CBX8: variants seen among roughly 807,000 people sequenced by gnomAD.
CBX8 encodes chromobox 8, also known as chromobox protein homolog 8.
A neutral mutation model predicts 39.7 loss-of-function variants in CBX8; 8 were observed. The observed-to-expected ratio is 0.20, with a 90% CI of 0.12 to 0.36. The LOEUF is 0.36. CBX8 is among the 10% of genes least tolerant of loss of function. The pLI, the probability that CBX8 is intolerant of heterozygous loss-of-function variation, is 1.00. For synonymous variants in CBX8, 268 were observed against 219.8 expected, an observed-to-expected ratio of 1.22 and a Z score of -1.94; for missense variants, 505 against 529.6, an observed-to-expected ratio of 0.95 and a Z score of 0.46.
rs775817124 is a variant in CBX8 at position 79,795,266 on chromosome 17, C to T, written c.539G>A (p.Arg180Gln). 9 of 1,609,460 alleles carry T rather than the reference C, an allele frequency of 5.6e-6. No individual in the cohort carries two copies. Among genetic ancestry groups the T allele is most frequent in the East Asian group, 4.5e-5 (2 of 44,708 alleles). Residue 180 changes from arginine (R) to glutamine (Q), a missense_variant, in exon 5 of 5, where the codon CGG (arginine) becomes CAG (glutamine). Around this residue, in one of 3 missense-constraint regions of CBX8, gnomAD observed 456 missense variants for 389.2 expected, o/e 1.17. Coordinates refer to ENST00000269385, the MANE Select transcript of CBX8 (RefSeq NM_020649.3). This position sits in a 1 kb window ranked among gnomAD's most constrained non-coding sequence, Gnocchi z 5.8. ...RERERERERE[R>Q]GTSRVDDKPS... ...CTTGTCATCCACTCTGCTGGTACCC[C>T]GCTCTCGTTCCCTCTCACGTTCCCG...
chr17:79,796,215 C>T (rs751774373), intron 3 of CBX8, 35 bp downstream of exon 3: 11 of 1,614,102 alleles, frequency 6.8e-6, no homozygotes, highest in Non-Finnish European at 9.3e-6. Context: ...CTACTTGTTT[C>T]TAAGTGAGCG....
In CBX8 at chr17:79,795,461, G is replaced by A. The variant is rs771180787; in HGVS notation, c.344C>T (p.Ala115Val). The A allele has an allele frequency of 1.4e-5, 22 of 1,605,904 alleles. No individual in the cohort carries two copies. Among genetic ancestry groups the A allele is most frequent in the Non-Finnish European group, 1.8e-5 (21 of 1,176,082 alleles). ...GCCCTCCCGGGCCCGGGAAGTGGAGGCCAGGTCCTGGGGCGAGCGGCCAGG... is the reference window on the plus strand; with the variant it reads ...GCCCTCCCGGGCCCGGGAAGTGGAGACCAGGTCCTGGGGCGAGCGGCCAGG... Reference protein sequence around the residue: ...PYPGRSPQDLASTSRAREGLR... With the variant: ...PYPGRSPQDLVSTSRAREGLR... The change falls in exon 5 of 5, where the codon GCC becomes GTC. Residue 115 changes from alanine to valine, a missense_variant. Ala to Val is a moderately conservative substitution (Grantham distance 64). Transcript: ENST00000269385. The surrounding 1 kb of genome is among the most constrained non-coding windows in gnomAD (Gnocchi z 5.8).
chr17:79,794,472 A>C lies in CBX8; in HGVS notation c.*163T>G, dbSNP rs1234875384. On this transcript the variant is annotated 3_prime_UTR_variant, in exon 5 of 5. Transcript: ENST00000269385. ...TCTAGAGATAATCTTTCCAACAAAA[A>C]CTGAGGGGGAGGAAGGAGGGATGAA... is the stretch of plus-strand genomic sequence containing the variant. 2 of 513,580 alleles carry C rather than the reference A, an allele frequency of 3.9e-6. No individual in the cohort carries two copies. The highest frequency in any genetic ancestry group is 7.0e-6 in the Non-Finnish European group (2 of 287,482). The allele number at this position is 513,580 out of a possible 1,614,324, so 31.8% of individuals were successfully genotyped here. A position where few individuals can be genotyped will look rare whatever the true frequency, so the allele number is the denominator to read the frequency against.
intron 3 of CBX8, 54 bp downstream of exon 3, chr17:79,796,196 G>T: frequency 6.2e-7 from 1 of 1,611,674 alleles, no homozygotes; most frequent in Non-Finnish European, 8.5e-7. Context: ...AGGCTGGAAA[G>T]AAGCCACTCT....
In CBX8 at chr17:79,794,506, G is replaced by A. The variant is rs576086118; in HGVS notation, c.*129C>T. The A allele has an allele frequency of 1.5e-5, 9 of 601,662 alleles. No homozygotes were observed. The South Asian group carries it at 1.7e-4, about 11-fold the overall frequency. The allele number at this position is 601,662 out of a possible 1,614,324, so 37.3% of individuals were successfully genotyped here. ...GAGGAAGGAGGGATGAAAGGGGCTG[G>A]TGGGGTGGGGGTGACATCAGGGACG... On this transcript the variant is annotated 3_prime_UTR_variant, in exon 5 of 5. Transcript: ENST00000269385.
chr17:79,794,772 C>G lies in CBX8; in HGVS notation c.1033G>C (p.Asp345His). 5.0e-6 allele frequency: 8 copies of G among 1,612,702 alleles called. No homozygotes were observed. Among genetic ancestry groups the G allele is most frequent in the Non-Finnish European group, 6.8e-6 (8 of 1,178,886 alleles). The change falls in exon 5 of 5, where the codon GAC becomes CAC. Residue 345 changes from aspartate to histidine, a missense_variant. Coordinates refer to ENST00000269385, the MANE Select transcript of CBX8 (RefSeq NM_020649.3). ...GGGCTCCAGGACTCTTCCTCCGGGT[C>G]CCCCAGGATTCTGGCCACAGGGATC... ...ARIPVARILG[D>H]PEEESWSPSL...
Position 79,795,383 on chromosome 17 carries a change from G to C in CBX8, c.422C>G (p.Thr141Ser). ...PPASSTSTSS[T>S]CRAEAPRDRD... ...GTCCCGAGGGGCCTCTGCGCGGCAGGTGCTGCTGGTGCTGGTGCTGCTCGC... is the reference window on the plus strand; with the variant it reads ...GTCCCGAGGGGCCTCTGCGCGGCAGCTGCTGCTGGTGCTGGTGCTGCTCGC... The change falls in exon 5 of 5, where the codon ACC becomes AGC. Residue 141 changes from threonine to serine, a missense_variant. This residue lies in a region of CBX8 where 456 missense variants were observed against 389.2 expected (regional missense o/e 1.17). Coordinates refer to ENST00000269385, the MANE Select transcript of CBX8 (RefSeq NM_020649.3). The surrounding 1 kb of genome is among the most constrained non-coding windows in gnomAD (Gnocchi z 5.8). The C allele has an allele frequency of 6.2e-7, 1 of 1,600,356 alleles. No individual in the cohort carries two copies. Among genetic ancestry groups the C allele is most frequent in the East Asian group, 2.3e-5 (1 of 44,374 alleles).
rs191091884 is a variant in CBX8 at position 79,795,718 on chromosome 17, G to C, written c.247-160C>G. Among the ~76,000 whole-genome samples the C allele has an allele frequency of 6.6e-6, 1 of 152,282 alleles. No individual in the cohort carries two copies. The highest frequency in any genetic ancestry group is 1.5e-5 in the Non-Finnish European group (1 of 67,998). On this transcript the variant is annotated intron_variant, in intron 4 of 4. Transcript: ENST00000269385. The surrounding 1 kb of genome is among the most constrained non-coding windows in gnomAD (Gnocchi z 5.8). ...TGGGTGGGTGGGTGGATGGCTGGAT[G>C]AATGGGTGGGATGGCTGTTGGAGCT...
At chr17:79,796,222 A>G (rs565352410) in intron 3 of CBX8, 28 bp downstream of exon 3, 2 of 1,614,098 alleles carry the variant, frequency 1.2e-6, no homozygotes, top group East Asian at 4.5e-5. Flanking sequence ...TTTCTAAGTG[A>G]GCGGCTGGGA....
intron 2 of CBX8, 69 bp from the exon 3 acceptor site, chr17:79,796,384 T>C (rs2145839418): frequency 6.3e-7 from 1 of 1,593,566 alleles, no homozygotes; most frequent in Non-Finnish European, 8.6e-7. Context: ...GGTGTGTGTG[T>C]GTGTAACTTT....
chr17:79,794,689 GGTCAAAAAGTTTGAGGTCAC>G lies in CBX8; in HGVS notation c.1096_1115del (p.Val366ArgfsTer4). 6.3e-7 allele frequency: 1 copy of G among 1,595,786 alleles called. No homozygotes were observed. The highest frequency in any genetic ancestry group is 8.5e-7 in the Non-Finnish European group (1 of 1,174,730). On this transcript the variant is annotated frameshift_variant, in exon 5 of 5. Transcript: ENST00000269385. LOFTEE classifies it high-confidence loss of function. The stretch of plus-strand genomic sequence containing the variant: ...CCGTGTTACTTTCCTTAATGGTGAC[GGTCAAAAAGTTTGAGGTCAC>G]GTCCGTGACCACCACCTTCTCCAGG...
At position 79,795,925 on chromosome 17, in the gene CBX8, G is replaced by A; in HGVS notation, c.246+132C>T. 1 of 819,116 alleles carries A rather than the reference G, an allele frequency of 1.2e-6. No individual in the cohort carries two copies. 50.7% of individuals were successfully genotyped at this position (819,116 alleles called of 1,614,324 possible). A position where few individuals can be genotyped will look rare whatever the true frequency, so the allele number is the denominator to read the frequency against. ...GCTGCTACTGACTTGGTGACATCTT[G>A]TCAGGGAACTCCCTCCTACATTACA... On this transcript the variant is annotated intron_variant, in intron 4 of 4. Transcript: ENST00000269385. This position sits in a 1 kb window ranked among gnomAD's most constrained non-coding sequence, Gnocchi z 5.8.
At position 79,795,174 on chromosome 17, in the gene CBX8, A is replaced by G; in HGVS notation, c.631T>C (p.Ser211Pro). 6.2e-7 allele frequency: 1 copy of G among 1,613,600 alleles called. No homozygotes were observed. ...PKPRKELPDP[S>P]QRPLGEPSAG... ...CTGGGTTCGCCTAAGGGCCTCTGTGAGGGGTCCGGGAGCTCCTTCCGGGGC... is the reference window on the plus strand; with the variant it reads ...CTGGGTTCGCCTAAGGGCCTCTGTGGGGGGTCCGGGAGCTCCTTCCGGGGC... Residue 211 changes from serine (S) to proline (P), a missense_variant, in exon 5 of 5, where the codon TCA (serine) becomes CCA (proline). Ser to Pro is a moderately conservative substitution (Grantham distance 74). Transcript: ENST00000269385. This position sits in a 1 kb window ranked among gnomAD's most constrained non-coding sequence, Gnocchi z 5.8.
Position 79,795,119 on chromosome 17 carries a change from C to G in CBX8, c.686G>C (p.Arg229Thr). The G allele has an allele frequency of 6.2e-7, 1 of 1,613,490 alleles. No homozygotes were observed. Among genetic ancestry groups the G allele is most frequent in the Non-Finnish European group, 8.5e-7 (1 of 1,179,852 alleles). ...SAGLGEYLKG[R>T]KLDDTPSGAG... The stretch of plus-strand genomic sequence containing the variant: ...CCCGGAAGGGGTGTCGTCCAGCTTC[C>G]TGCCCTTGAGGTACTCTCCGAGGCC... The change falls in exon 5 of 5, where the codon AGG (arginine) becomes ACG (threonine). Residue 229 changes from arginine to threonine, a missense_variant. Arg to Thr is a moderately conservative substitution (Grantham distance 71). This residue lies in a region of CBX8 where 456 missense variants were observed against 389.2 expected (regional missense o/e 1.17). Transcript: ENST00000269385. This position sits in a 1 kb window ranked among gnomAD's most constrained non-coding sequence, Gnocchi z 5.8.
chr17:79,796,863 G>A lies in CBX8; in HGVS notation c.69+67C>T, dbSNP rs940523451. 8 of 1,447,958 alleles carry A rather than the reference G, an allele frequency of 5.5e-6. No homozygotes were observed. The African/African-American group carries it at 9.9e-5, about 18-fold the overall frequency. 89.7% of individuals were successfully genotyped at this position (1,447,958 alleles called of 1,614,324 possible). On this transcript the variant is annotated intron_variant, in intron 1 of 4. Coordinates refer to ENST00000269385, the MANE Select transcript of CBX8 (RefSeq NM_020649.3). The stretch of plus-strand genomic sequence containing the variant: ...GGAAGGGAAGCTGGGCTGCAGCAGG[G>A]GGAGGGAACCCGGGCCGGGAGGGGA...
rs1908009846 is a variant in CBX8, at chr17:79,794,894, C to G, written c.911G>C (p.Gly304Ala). 6.2e-7 allele frequency: 1 copy of G among 1,610,894 alleles called. No individual in the cohort carries two copies. The highest frequency in any genetic ancestry group is 8.5e-7 in the Non-Finnish European group (1 of 1,178,500). Reference protein sequence around the residue: ...AKGQGALDPNGTRVRHGSGPP... With the variant: ...AKGQGALDPNATRVRHGSGPP... ...GCCTGAGCCATGTCGGACCCGGGTG[C>G]CATTGGGATCTAGGGCACCCTGGCC... is the stretch of plus-strand genomic sequence containing the variant. The change falls in exon 5 of 5, where the codon GGC becomes GCC. Residue 304 changes from glycine to alanine, a missense_variant. Gly to Ala is a moderately conservative substitution (Grantham distance 60). Coordinates refer to ENST00000269385, the MANE Select transcript of CBX8 (RefSeq NM_020649.3).
chr17:79,796,136 GA>G lies in CBX8; in HGVS notation c.180-14del, dbSNP rs763700228. On this transcript the variant is annotated splice_polypyrimidine_tract_variant and intron_variant, in intron 3 of 4. Transcript: ENST00000269385. ...CATCTCTCTTTCCCTGGAGAAAGAA[GA>G]AAAGGAGAAAGGGTGCGTGAGTAAA... 2 of 1,613,418 alleles carry G rather than the reference GA, an allele frequency of 1.2e-6. No homozygotes were observed. Among genetic ancestry groups the G allele is most frequent in the Admixed American group, 3.3e-5 (2 of 59,992 alleles).
At chr17:79,796,192 G>C in intron 3 of CBX8, 58 bp downstream of exon 3, 1 of 1,612,738 alleles carries the variant, frequency 6.2e-7, no homozygotes, top group Non-Finnish European at 8.5e-7. Flanking sequence ...GTCCAGGCTG[G>C]AAAGAAGCCA....
chr17:79,796,163 G>C, intron 3 of CBX8, 40 bp from the exon 4 acceptor site: 5 of 1,612,902 alleles, frequency 3.1e-6, no homozygotes, highest in Non-Finnish European at 4.2e-6. Context: ...CGTGAGTAAA[G>C]AAAGCAAGTG....
Sources: allele counts gnomAD v4.1 joint callset (sites outside exome capture counted in the v4.1 genomes callset), GRCh38; gene constraint gnomAD v4.1.1; regional missense constraint gnomAD v4.1.1; non-coding constraint Gnocchi (gnomAD v3.1); transcripts MANE v1.5; gene names NCBI Gene and HGNC (gene_info 2026-07-23, HGNC 2026-07-21).